Variants in SBF2 observed in about 807,000 individuals in gnomAD.
SBF2 encodes the protein SET binding factor 2.
In SBF2, 112 loss-of-function variants were observed where a neutral mutation model predicts 225.2. That is an observed-to-expected ratio of 0.50 (90% CI 0.43 to 0.58). The LOEUF is 0.58. Ranked by LOEUF, SBF2 falls within the 20% of genes least tolerant of loss-of-function variation. The pLI is 0.00. For missense variants in SBF2, 1,996 were observed against 2,206.2 expected (o/e 0.90, Z 1.91); for synonymous variants, 763 against 773.3 (o/e 0.99, Z 0.22).
intron 2 of SBF2, among the ~76,000 whole-genome samples, chr11:10,154,368 A>C (rs761975583): frequency 6.6e-6 from 1 of 152,034 alleles, no homozygotes; most frequent in Non-Finnish European, 1.5e-5. Flanking sequence ...TCCCTATGAA[A>C]TAGTTTCGGT....
chr11:9,879,828 A>C (rs981943566), intron 17 of SBF2, among the ~76,000 whole-genome samples: 1 of 152,000 alleles, frequency 6.6e-6, no homozygotes, highest in African/African-American at 2.4e-5. Context: ...TAGTGTCTGT[A>C]ATCCCAGCAC....
chr11:10,094,870 G>A (rs1041748752), intron 2 of SBF2, among the ~76,000 whole-genome samples: 4 of 150,904 alleles, frequency 2.7e-5, no homozygotes, highest in African/African-American at 9.8e-5. Flanking sequence ...ACGGGGAGTG[G>A]GTATCACTGA....
chr11:10,293,992 G>T, intron 1 of SBF2, 23 bp downstream of exon 1: 1 of 1,335,030 alleles, frequency 7.5e-7, no homozygotes. Context: ...AGGCCCGGGG[G>T]CGGTGCCGCC....
intron 2 of SBF2, among the ~76,000 whole-genome samples, chr11:10,059,851 T>C (rs955196204): frequency 1.3e-5 from 2 of 152,092 alleles, no homozygotes; most frequent in Non-Finnish European, 2.9e-5. Flanking sequence ...TAATACAACA[T>C]ACCAGAATCT....
intron 2 of SBF2, among the ~76,000 whole-genome samples, chr11:10,050,326 G>A (rs1191155516): frequency 1.3e-5 from 2 of 152,058 alleles, no homozygotes; most frequent in Non-Finnish European, 2.9e-5. Context: ...AGGCATATAA[G>A]TCCCCTCTTA....
chr11:10,254,900 C>CAAAAAAAAAAA lies in SBF2; in HGVS notation c.55+39104_55+39114dup, dbSNP rs71034757. ...TGGGTGACAGAGTGAGACTCTGTCT[C>CAAAAAAAAAAA]AAAAAAAAAAAAAAAAAAAAAAAAA... is the stretch of plus-strand genomic sequence containing the variant. On this transcript the variant is annotated intron_variant, in intron 1 of 39. Coordinates refer to ENST00000256190, the MANE Select transcript of SBF2 (RefSeq NM_030962.4). Among the ~76,000 whole-genome samples the CAAAAAAAAAAA allele has an allele frequency of 1.1e-3, 49 of 44,072 alleles. 2 individuals carry two copies. The highest frequency in any genetic ancestry group is 1.9e-3 in the East Asian group (2 of 1,070). The allele number at this position is 44,072 out of a possible 152,430, so 28.9% of individuals were successfully genotyped here. A position where few individuals can be genotyped will look rare whatever the true frequency, so the allele number is the denominator to read the frequency against.
intron 2 of SBF2, among the ~76,000 whole-genome samples, chr11:10,144,677 TG>T (rs1376957498): frequency 6.6e-6 from 1 of 152,216 alleles, no homozygotes; most frequent in Non-Finnish European, 1.5e-5. Flanking sequence ...GAAGTTGAGA[TG>T]ATGTAAAAGA....
At chr11:9,804,481 T>G (rs1853676371) in intron 32 of SBF2, among the ~76,000 whole-genome samples, 1 of 152,234 alleles carries the variant, frequency 6.6e-6, no homozygotes, top group South Asian at 2.1e-4. Context: ...TTCCCTACTT[T>G]AAGTGTATAG....
intron 17 of SBF2, among the ~76,000 whole-genome samples, chr11:9,891,424 A>T (rs1860805818): frequency 6.6e-6 from 1 of 152,204 alleles, no homozygotes; most frequent in Non-Finnish European, 1.5e-5. Flanking sequence ...ATTATTCATC[A>T]ACTTTGAAAC....
chr11:10,172,335 C>T (rs1157677416), intron 2 of SBF2, among the ~76,000 whole-genome samples: 1 of 151,796 alleles, frequency 6.6e-6, no homozygotes, highest in Non-Finnish European at 1.5e-5. Context: ...GCTCTGTTTT[C>T]ATTATTGTTT....
chr11:10,170,782 A>G (rs1956151163), intron 2 of SBF2, among the ~76,000 whole-genome samples: 1 of 151,802 alleles, frequency 6.6e-6, no homozygotes, highest in Non-Finnish European at 1.5e-5. Flanking sequence ...ATCCATGAAC[A>G]TGGAATATCT....
chr11:10,203,586 A>G (rs1030511663), intron 1 of SBF2, among the ~76,000 whole-genome samples: 3 of 152,190 alleles, frequency 2.0e-5, no homozygotes, highest in African/African-American at 7.2e-5. Context: ...AACAAAAATC[A>G]CTAGGCATGA....
intron 16 of SBF2, among the ~76,000 whole-genome samples, chr11:9,938,198 G>A (rs1461278793): frequency 6.6e-6 from 1 of 151,988 alleles, no homozygotes; most frequent in Non-Finnish European, 1.5e-5. Context: ...GGCTGTGGCA[G>A]GAGAATGGTG....
intron 2 of SBF2, among the ~76,000 whole-genome samples, chr11:10,053,038 T>C (rs574960458): frequency 6.6e-6 from 1 of 152,294 alleles, no homozygotes; most frequent in Non-Finnish European, 1.5e-5. Context: ...TGTGTATTTA[T>C]CCAAAGGAGG....
chr11:10,155,419 C>T (rs1401215219), intron 2 of SBF2, among the ~76,000 whole-genome samples: 1 of 151,984 alleles, frequency 6.6e-6, no homozygotes, highest in Non-Finnish European at 1.5e-5. Flanking sequence ...ATGAGGCCTC[C>T]CTGGTTCAAA....
intron 1 of SBF2, among the ~76,000 whole-genome samples, chr11:10,203,736 TA>T (rs1202189338): frequency 6.6e-6 from 1 of 151,878 alleles, no homozygotes; most frequent in Non-Finnish European, 1.5e-5. Context: ...AATATAAATG[TA>T]AAAAATATAT....
chr11:9,857,051 T>A (rs1026294333), intron 18 of SBF2, among the ~76,000 whole-genome samples: 3 of 152,206 alleles, frequency 2.0e-5, no homozygotes, highest in Admixed American at 1.3e-4. Context: ...CCTCCCAAAG[T>A]GCTGGGATTA....
At chr11:9,981,699 C>T (rs1000688201) in intron 13 of SBF2, among the ~76,000 whole-genome samples, 4 of 106,062 alleles carry the variant, frequency 3.8e-5, no homozygotes, top group Non-Finnish European at 6.3e-5. Flanking sequence ...AAATTTAGAT[C>T]GGTTGAGTTG....
intron 1 of SBF2, chr11:10,302,541 A>G (rs909038663): frequency 1.1e-4 from 16 of 152,244 alleles, no homozygotes; most frequent in African/African-American, 3.4e-4. Flanking sequence ...TCAGGTGGGA[A>G]TTCTTGTCAC....
Sources: gnomAD v4.1 joint callset for allele counts (sites outside exome capture counted in the v4.1 genomes callset) on GRCh38, gnomAD v4.1.1 for gene constraint, MANE v1.5 for transcripts, NCBI Gene and HGNC (gene_info 2026-07-23, HGNC 2026-07-21) for gene names.